Variants in LEMD3 observed in about 807,000 individuals in gnomAD.
LEMD3 encodes the protein inner nuclear membrane protein Man1.
In LEMD3, 33 loss-of-function variants were observed where a neutral mutation model predicts 95.2. The ratio of observed to expected loss-of-function variants is 0.35; its 90% CI spans 0.26 to 0.46. LEMD3 has a LOEUF of 0.46. Ranked by LOEUF, LEMD3 falls within the 20% of genes least tolerant of loss-of-function variation. The probability of loss-of-function intolerance (pLI) is 1.00; values close to 1 mark genes in which losing one functional copy is unlikely to be tolerated. For missense variants in LEMD3, 1,210 were observed against 1,192.8 expected (o/e 1.01, Z -0.21); for synonymous variants, 525 against 474.6 (o/e 1.11, Z -1.38).
chr12:65,193,812 ACTAG>A (rs1869324802), intron 1 of LEMD3, among the ~76,000 whole-genome samples: 1 of 144,630 alleles, frequency 6.9e-6, no homozygotes. Context: ...CTTATACCTG[ACTAG>A]CTACCTACTG....
intron 4 of LEMD3, among the ~76,000 whole-genome samples, chr12:65,237,984 C>A (rs533918344): frequency 3.3e-4 from 50 of 152,238 alleles, no homozygotes; most frequent in African/African-American, 1.0e-3. Flanking sequence ...AAAAGAACTT[C>A]CAAGCCAGGC....
chr12:65,172,648 ATAAAT>A (rs1868588860), intron 1 of LEMD3, among the ~76,000 whole-genome samples: 1 of 152,220 alleles, frequency 6.6e-6, no homozygotes, highest in African/African-American at 2.4e-5. Flanking sequence ...AAAAGTTCAC[ATAAAT>A]TAAATGACAT....
intron 4 of LEMD3, among the ~76,000 whole-genome samples, chr12:65,221,179 C>CTT (rs34468551): frequency 4.0e-4 from 49 of 123,246 alleles, no homozygotes; most frequent in African/African-American, 5.2e-4. Flanking sequence ...TTTCATTCAG[C>CTT]TTTTTTTTTT....
intron 2 of LEMD3, among the ~76,000 whole-genome samples, chr12:65,215,181 G>A (rs1870064698): frequency 6.6e-6 from 1 of 152,176 alleles, no homozygotes; most frequent in African/African-American, 2.4e-5. Flanking sequence ...TATAACCAAT[G>A]CTTTCATGCC....
In LEMD3 at chr12:65,169,858, G is replaced by T; in HGVS notation, c.262G>T (p.Gly88Trp). 6.8e-7 allele frequency: 1 copy of T among 1,462,348 alleles called. No homozygotes were observed. The highest frequency in any genetic ancestry group is 9.0e-7 in the Non-Finnish European group (1 of 1,106,254). 90.6% of individuals were successfully genotyped at this position (1,462,348 alleles called of 1,614,324 possible). A position where few individuals can be genotyped will look rare whatever the true frequency, so the allele number is the denominator to read the frequency against. ...AAGPAAAAAA[G>W]MGVRPVSGDL... Reference sequence around the variant, plus strand: ...GGGACCAGCGGCGGCGGCGGCCGCGGGGATGGGGGTCCGGCCGGTCTCGGG... The same window carrying T: ...GGGACCAGCGGCGGCGGCGGCCGCGTGGATGGGGGTCCGGCCGGTCTCGGG... The change falls in exon 1 of 13, where the codon GGG becomes TGG. Residue 88 changes from glycine (G) to tryptophan (W), a missense_variant. Transcript: ENST00000308330.
At chr12:65,230,337 GT>G (rs775559981) in intron 4 of LEMD3, among the ~76,000 whole-genome samples, 1 of 152,132 alleles carries the variant, frequency 6.6e-6, no homozygotes, top group Non-Finnish European at 1.5e-5. Flanking sequence ...AAGAATGTCA[GT>G]GGTATTGTAA....
chr12:65,203,161 GCATT>G (rs1347041593), intron 1 of LEMD3, among the ~76,000 whole-genome samples: 1 of 152,034 alleles, frequency 6.6e-6, no homozygotes, highest in African/African-American at 2.4e-5. Context: ...TCTAATTTAT[GCATT>G]CATTAAGTCA....
intron 4 of LEMD3, among the ~76,000 whole-genome samples, chr12:65,232,575 C>A (rs1870661859): frequency 6.6e-6 from 1 of 152,086 alleles, no homozygotes; most frequent in Non-Finnish European, 1.5e-5. Context: ...AACTTAATAA[C>A]TAATTTAAAT....
At chr12:65,234,963 G>C (rs1870733902) in intron 4 of LEMD3, among the ~76,000 whole-genome samples, 1 of 152,100 alleles carries the variant, frequency 6.6e-6, no homozygotes, top group African/African-American at 2.4e-5. Flanking sequence ...TCAAAGACTA[G>C]ATTATACTTG....
At chr12:65,229,461 A>G (rs1218038527) in intron 4 of LEMD3, among the ~76,000 whole-genome samples, 3 of 152,102 alleles carry the variant, frequency 2.0e-5, no homozygotes, top group East Asian at 1.9e-4. Context: ...CCACCATACT[A>G]TGTTCTGCAA....
chr12:65,240,836 C>A, intron 8 of LEMD3, 73 bp from the exon 9 acceptor site: 1 of 1,316,406 alleles, frequency 7.6e-7, no homozygotes, highest in Non-Finnish European at 1.1e-6. Context: ...TTAACTATTA[C>A]CTCAGATACT....
At chr12:65,206,420 A>G (rs1034768454) in intron 1 of LEMD3, among the ~76,000 whole-genome samples, 14 of 152,180 alleles carry the variant, frequency 9.2e-5, no homozygotes, top group African/African-American at 3.1e-4. Flanking sequence ...CTTTGAGGAC[A>G]GGGCTTATAT....
At position 65,238,715 on chromosome 12, in the gene LEMD3, G is replaced by A. The variant is rs1473234032; in HGVS notation, c.1822G>A (p.Val608Met). 1 of 1,614,028 alleles carries A rather than the reference G, an allele frequency of 6.2e-7. No individual in the cohort carries two copies. The highest frequency in any genetic ancestry group is 8.5e-7 in the Non-Finnish European group (1 of 1,179,930). ...GGAAGAATTGACAAATATAACTGAT[G>A]TGCAGTTTTTACAGTCCACAAGACC... ...PEEELTNITD[V>M]QFLQSTRPLM... Residue 608 changes from valine to methionine, a missense_variant, in exon 6 of 13, where the codon GTG (valine) becomes ATG (methionine). Physicochemically the swap from Val to Met is conservative, Grantham distance 21. Around this residue, in one of 2 missense-constraint regions of LEMD3, gnomAD observed 461 missense variants for 569.8 expected, o/e 0.81. Coordinates refer to ENST00000308330, the MANE Select transcript of LEMD3 (RefSeq NM_014319.5).
At chr12:65,228,998 A>G (rs1870541345) in intron 4 of LEMD3, among the ~76,000 whole-genome samples, 1 of 152,168 alleles carries the variant, frequency 6.6e-6, no homozygotes, top group South Asian at 2.1e-4. Flanking sequence ...CCACTTTGCC[A>G]CTTTCTAGCC....
intron 1 of LEMD3, among the ~76,000 whole-genome samples, chr12:65,176,176 A>G (rs1868713909): frequency 6.6e-6 from 1 of 152,186 alleles, no homozygotes; most frequent in Admixed American, 6.5e-5. Flanking sequence ...CACAAATGTG[A>G]TCATTCCCTC....
chr12:65,188,356 T>C (rs1869130786), intron 1 of LEMD3, among the ~76,000 whole-genome samples: 1 of 152,106 alleles, frequency 6.6e-6, no homozygotes, highest in Non-Finnish European at 1.5e-5. Context: ...ACAGTTTATT[T>C]GAGCAAAGGA....
chr12:65,214,917 A>C (rs1295294728), intron 2 of LEMD3, among the ~76,000 whole-genome samples: 4 of 152,132 alleles, frequency 2.6e-5, no homozygotes, highest in African/African-American at 9.7e-5. Flanking sequence ...GCAGGTACTT[A>C]GGCTGTACCA....
At chr12:65,177,990 C>T (rs543128287) in intron 1 of LEMD3, among the ~76,000 whole-genome samples, 1 of 151,874 alleles carries the variant, frequency 6.6e-6, no homozygotes, top group Non-Finnish European at 1.5e-5. Flanking sequence ...GACTATAGAT[C>T]TGCATCACCA....
At chr12:65,212,031 A>G (rs2136336469) in intron 2 of LEMD3, among the ~76,000 whole-genome samples, 1 of 152,136 alleles carries the variant, frequency 6.6e-6, no homozygotes, top group South Asian at 2.1e-4. Flanking sequence ...TTTATAAAGG[A>G]AAGAGGTTTA....
Sources: allele counts gnomAD v4.1 joint callset (sites outside exome capture counted in the v4.1 genomes callset), GRCh38; gene constraint gnomAD v4.1.1; regional missense constraint gnomAD v4.1.1; transcripts MANE v1.5; gene names NCBI Gene and HGNC (gene_info 2026-07-23, HGNC 2026-07-21).